DZANK1: variants seen among roughly 807,000 people sequenced by gnomAD.
DZANK1 encodes double zinc ribbon and ankyrin repeat domains 1.
DZANK1 carries 91 observed loss-of-function variants against 94.5 expected under a neutral mutation model. The observed-to-expected ratio is 0.96, with a 90% CI of 0.81 to 1.15. The LOEUF (loss-of-function observed/expected upper bound fraction) is 1.15, where lower values mean the gene tolerates loss of function less well. Ranked by LOEUF, DZANK1 falls within the 50% of genes most tolerant of loss-of-function variation. The probability of loss-of-function intolerance (pLI) is 0.00; values close to 1 mark genes in which losing one functional copy is unlikely to be tolerated. For synonymous variants in DZANK1, 312 were observed against 325.3 expected (o/e 0.96, Z 0.44); for missense variants, 903 against 916.4 (o/e 0.99, Z 0.19).
chr20:18,384,244 A>G, exon 21 of DZANK1: 1 of 670,022 alleles, frequency 1.5e-6, no homozygotes. Flanking sequence ...TTTTTAGTAG[A>G]GACGGGGTTT....
intron 12 of DZANK1, among the ~76,000 whole-genome samples, 194 bp downstream of exon 12, chr20:18,414,154 A>G (rs947337440): frequency 2.0e-5 from 3 of 152,238 alleles, no homozygotes; most frequent in African/African-American, 7.2e-5. Context: ...CTAAAGTGGC[A>G]TTATGTCTAC....
At chr20:18,426,921 C>T (rs2058068582) in intron 10 of DZANK1, 146 bp downstream of exon 10, 2 of 455,536 alleles carry the variant, frequency 4.4e-6, no homozygotes, top group Non-Finnish European at 7.7e-6. Flanking sequence ...GTTCTCCCCA[C>T]ATATGGAAAT....
chr20:18,443,412 G>C (rs1180568616), exon 8 of DZANK1: 2 of 1,534,564 alleles, frequency 1.3e-6, no homozygotes, highest in African/African-American at 1.4e-5. Context: ...CCACATTCTT[G>C]ACAGAAGCGA....
In DZANK1 at chr20:18,465,223, AC is replaced by A. The variant is rs765626252; in HGVS notation, c.109+26del. The A allele has an allele frequency of 4.1e-5, 57 of 1,398,434 alleles. 1 individual carries two copies. Among genetic ancestry groups the A allele is most frequent in the Non-Finnish European group, 5.9e-6 (6 of 1,011,878 alleles). The allele number at this position is 1,398,434 out of a possible 1,614,324, so 86.6% of individuals were successfully genotyped here. ...AAGAAATATGACAATGTTATTTTAA[AC>A]AATTTCAAACATATGTGATTCTTAC... is the stretch of plus-strand genomic sequence containing the variant. On this transcript the variant is annotated intron_variant, in intron 2 of 20. Coordinates refer to ENST00000262547, the Ensembl canonical transcript of DZANK1.
chr20:18,428,767 T>C (rs771151004), intron 9 of DZANK1: 1 of 152,214 alleles, frequency 6.6e-6, no homozygotes. Context: ...GTAAAGTGGA[T>C]GATCAAGAAA....
intron 20 of DZANK1, 32 bp downstream of exon 20, chr20:18,384,984 C>CAA (rs1182231907): frequency 6.5e-7 from 1 of 1,547,226 alleles, no homozygotes; most frequent in East Asian, 2.4e-5. Context: ...CTGTGGCCCT[C>CAA]AAAAGTATCC....
rs1407333998 is a variant in DZANK1 at position 18,455,288 on chromosome 20, C to A, written c.337G>T (p.Glu113Ter). 4 of 1,609,208 alleles carry A rather than the reference C, an allele frequency of 2.5e-6. No individual in the cohort carries two copies. The South Asian group carries it at 4.4e-5, about 18-fold the overall frequency. ...TTGAGAACATTTTCAACATTGTCTT[C>A]AGGAGAGACTATATTTGGTGGTTCA... Residue 113 changes from glutamate to a stop codon, truncating the protein, a stop_gained, in exon 4 of 21, where the codon GAA becomes TAA. Coordinates refer to ENST00000262547, the Ensembl canonical transcript of DZANK1. LOFTEE classifies it high-confidence loss of function.
chr20:18,397,912 T>C (rs887213716), intron 14 of DZANK1, among the ~76,000 whole-genome samples: 8 of 152,124 alleles, frequency 5.3e-5, no homozygotes, highest in African/African-American at 1.7e-4. Flanking sequence ...CCACATGACC[T>C]TATGTGGCCA....
At chr20:18,428,580 T>C (rs2058155073) in intron 9 of DZANK1, 1 of 151,992 alleles carries the variant, frequency 6.6e-6, no homozygotes. Context: ...TAGTCTGGAG[T>C]TCAGCTATCA....
exon 14 of DZANK1, chr20:18,398,552 C>T (rs1486038458): frequency 6.2e-7 from 1 of 1,613,834 alleles, no homozygotes; most frequent in Non-Finnish European, 8.5e-7. Context: ...GCAATCAAGG[C>T]CCGGAATTCA....
At chr20:18,460,254 A>G in exon 3 of DZANK1, 1 of 1,592,254 alleles carries the variant, frequency 6.3e-7, no homozygotes, top group Non-Finnish European at 8.6e-7. Flanking sequence ...TTCTCTTTAG[A>G]AATTCAGGTT....
chr20:18,422,799 CT>C lies in DZANK1; in HGVS notation c.954+4267del, dbSNP rs55683540. Among the ~76,000 whole-genome samples the C allele has an allele frequency of 6.6e-4, 83 of 124,820 alleles. 1 individual carries two copies. The highest frequency in any genetic ancestry group is 2.5e-3 in the Admixed American group (31 of 12,198). 81.9% of individuals were successfully genotyped at this position (124,820 alleles called of 152,430 possible). On this transcript the variant is annotated intron_variant, in intron 10 of 20. Coordinates refer to ENST00000262547, the Ensembl canonical transcript of DZANK1. ...GAAGTGTGATGTCTCTGGCTTTGTT[CT>C]TTTTTTTTTTTTTTCTCAAAATTGA...
intron 13 of DZANK1, among the ~76,000 whole-genome samples, chr20:18,409,861 C>T (rs1041223660): frequency 6.6e-6 from 1 of 151,766 alleles, no homozygotes; most frequent in Non-Finnish European, 1.5e-5. Context: ...CGAGGTCAGG[C>T]GATCGAGACT....
chr20:18,464,667 C>CG (rs2059583843), intron 2 of DZANK1, among the ~76,000 whole-genome samples: 1 of 77,824 alleles, frequency 1.3e-5, no homozygotes. Flanking sequence ...AGCACCGGGA[C>CG]TTTTTTTTTT....
chr20:18,428,895 C>T (rs887694928), intron 9 of DZANK1, among the ~76,000 whole-genome samples: 1 of 152,186 alleles, frequency 6.6e-6, no homozygotes, highest in Admixed American at 6.5e-5. Flanking sequence ...TCTTCCTAGG[C>T]ACTGAGCCAA....
intron 2 of DZANK1, among the ~76,000 whole-genome samples, chr20:18,462,316 GT>G (rs1323698368): frequency 6.6e-6 from 1 of 152,074 alleles, no homozygotes; most frequent in African/African-American, 2.4e-5. Context: ...TTGTCAGGTG[GT>G]GATTAAGTGC....
At position 18,415,360 on chromosome 20, in the gene DZANK1, C is replaced by T; in HGVS notation, c.1044G>A (p.Trp348Ter). The stretch of plus-strand genomic sequence containing the variant: ...CACACCAGCCGCAGAAGGACGCCTC[C>T]CAGAGATTCCAGCGACCACATCTGT... Residue 348 changes from tryptophan to a stop codon, truncating the protein, a stop_gained, in exon 11 of 21, where the codon TGG becomes TGA. Transcript: ENST00000262547. LOFTEE classifies it high-confidence loss of function. 1 of 1,594,378 alleles carries T rather than the reference C, an allele frequency of 6.3e-7. No homozygotes were observed. The highest frequency in any genetic ancestry group is 8.5e-7 in the Non-Finnish European group (1 of 1,169,918).
exon 6 of DZANK1, chr20:18,452,682 T>C: frequency 6.2e-7 from 1 of 1,607,872 alleles, no homozygotes; most frequent in South Asian, 1.1e-5. Flanking sequence ...CAATGGACTC[T>C]CTGAAAAGTG....
intron 6 of DZANK1, among the ~76,000 whole-genome samples, chr20:18,449,524 A>G (rs991719085): frequency 1.4e-4 from 21 of 152,166 alleles, no homozygotes; most frequent in African/African-American, 4.8e-4. Flanking sequence ...CATGAGACAG[A>G]CCAGATTTTA....
Sources: allele counts gnomAD v4.1 joint callset (sites outside exome capture counted in the v4.1 genomes callset), GRCh38; gene constraint gnomAD v4.1.1; transcripts MANE v1.5; gene names NCBI Gene and HGNC (gene_info 2026-07-23, HGNC 2026-07-21).